Variants in RGS7BP observed in about 807,000 individuals in gnomAD.
The protein encoded by RGS7BP is regulator of G protein signaling 7 binding protein, also known as regulator of G protein signaling 7-binding protein.
Under a neutral mutation model 31.3 loss-of-function variants are expected in RGS7BP, and 9 were observed. The ratio of observed to expected loss-of-function variants is 0.29; its 90% CI spans 0.17 to 0.50. The LOEUF (loss-of-function observed/expected upper bound fraction) is 0.50. Among genes scored for constraint, RGS7BP ranks in the 20% least tolerant of loss-of-function variants. The pLI is 0.98. For missense variants in RGS7BP, 274 were observed against 322.0 expected, an observed-to-expected ratio of 0.85 and a Z score of 1.14; for synonymous variants, 115 against 120.1, an observed-to-expected ratio of 0.96 and a Z score of 0.28.
At chr5:64,511,087 A>T (rs1420933910) in intron 2 of RGS7BP, among the ~76,000 whole-genome samples, 1 of 152,228 alleles carries the variant, frequency 6.6e-6, no homozygotes, top group African/African-American at 2.4e-5. Flanking sequence ...AAGAGGAAAA[A>T]CAAGGAGTTA....
chr5:64,584,125 C>G (rs1038149546), intron 3 of RGS7BP, among the ~76,000 whole-genome samples: 2 of 152,262 alleles, frequency 1.3e-5, no homozygotes, highest in Admixed American at 6.5e-5. Context: ...TGGAGAAGGG[C>G]AGGAGGGCAT....
intron 2 of RGS7BP, among the ~76,000 whole-genome samples, chr5:64,548,851 C>CTTTTTTTTTTTT (rs555751491): frequency 0.012 from 1,578 of 137,182 alleles, 19 homozygotes; most frequent in African/African-American, 0.04. Context: ...AAGCCCTTTC[C>CTTTTTTTTTTTT]TTTTTTTTTT....
At chr5:64,550,697 A>G (rs939287377) in intron 2 of RGS7BP, among the ~76,000 whole-genome samples, 3 of 151,472 alleles carry the variant, frequency 2.0e-5, no homozygotes, top group Non-Finnish European at 4.4e-5. Context: ...ATCATTTAGC[A>G]TTAGGTATAT....
intron 2 of RGS7BP, among the ~76,000 whole-genome samples, chr5:64,556,649 T>C (rs926152526): frequency 4.6e-5 from 7 of 152,108 alleles, no homozygotes; most frequent in African/African-American, 1.7e-4. Flanking sequence ...AAAAAATATA[T>C]AGTTTTGCTT....
At chr5:64,557,263 G>A (rs1238803283) in intron 2 of RGS7BP, among the ~76,000 whole-genome samples, 2 of 152,156 alleles carry the variant, frequency 1.3e-5, no homozygotes, top group Non-Finnish European at 2.9e-5. Context: ...GAGAAATGTA[G>A]TTATGCTCCC....
intron 2 of RGS7BP, among the ~76,000 whole-genome samples, chr5:64,547,536 C>A (rs529673457): frequency 6.6e-6 from 1 of 152,250 alleles, no homozygotes; most frequent in African/African-American, 2.4e-5. Flanking sequence ...TACCACCTTT[C>A]CAGTAAAACA....
chr5:64,576,004 T>G (rs1030415353), intron 3 of RGS7BP, 100 bp downstream of exon 3: 2 of 1,013,580 alleles, frequency 2.0e-6, no homozygotes, highest in African/African-American at 3.3e-5. Context: ...CCTATCTATA[T>G]GCAATTACGA....
chr5:64,529,783 A>C (rs998897832), intron 2 of RGS7BP, among the ~76,000 whole-genome samples: 10 of 152,122 alleles, frequency 6.6e-5, no homozygotes, highest in Non-Finnish European at 1.2e-4. Context: ...CAGATTCTGG[A>C]TCCTTGCTGT....
chr5:64,551,530 G>A (rs1741796650), intron 2 of RGS7BP, among the ~76,000 whole-genome samples: 1 of 151,650 alleles, frequency 6.6e-6, no homozygotes, highest in Non-Finnish European at 1.5e-5. Context: ...CCTAAATTGT[G>A]TGTCTTAAGG....
intron 4 of RGS7BP, 21 bp downstream of exon 4, chr5:64,594,878 A>C (rs1420377641): frequency 6.2e-7 from 1 of 1,611,040 alleles, no homozygotes; most frequent in Non-Finnish European, 8.5e-7. Flanking sequence ...AGTTACCCTG[A>C]ATAGACTGCC....
chr5:64,506,443 A>C lies in RGS7BP; in HGVS notation c.-182A>C. ...GGAAGCGATGCTGCACGGCACAGCT[A>C]GCGCTTCCCCGGCTCTCCTTCAAGC... On this transcript the variant is annotated 5_prime_UTR_variant, in exon 1 of 6. Transcript: ENST00000334025. This position sits in a 1 kb window ranked among gnomAD's most constrained non-coding sequence, Gnocchi z 4.6. The C allele has an allele frequency of 2.1e-6, 1 of 478,552 alleles. No individual in the cohort carries two copies. The highest frequency in any genetic ancestry group is 3.7e-6 in the Non-Finnish European group (1 of 271,084). 29.6% of individuals were successfully genotyped at this position (478,552 alleles called of 1,614,324 possible). A position where few individuals can be genotyped will look rare whatever the true frequency, so the allele number is the denominator to read the frequency against.
At chr5:64,519,839 C>G (rs998083143) in intron 2 of RGS7BP, among the ~76,000 whole-genome samples, 8 of 152,188 alleles carry the variant, frequency 5.3e-5, no homozygotes, top group African/African-American at 1.9e-4. Flanking sequence ...CATTTACCTG[C>G]AAATAGCAGA....
chr5:64,522,259 C>G (rs1749124382), intron 2 of RGS7BP, among the ~76,000 whole-genome samples: 1 of 152,168 alleles, frequency 6.6e-6, no homozygotes, highest in African/African-American at 2.4e-5. Context: ...AGGTCTCTCC[C>G]CAAGTTGGGT....
At chr5:64,558,664 G>A (rs186636678) in intron 2 of RGS7BP, among the ~76,000 whole-genome samples, 1 of 152,232 alleles carries the variant, frequency 6.6e-6, no homozygotes, top group Admixed American at 6.5e-5. Context: ...TAACCATTAG[G>A]TTTGACTGCC....
intron 2 of RGS7BP, among the ~76,000 whole-genome samples, chr5:64,565,162 A>C (rs553146788): frequency 6.6e-6 from 1 of 152,256 alleles, no homozygotes; most frequent in African/African-American, 2.4e-5. Flanking sequence ...TCATCACAAC[A>C]ACACTATCAG....
intron 2 of RGS7BP, among the ~76,000 whole-genome samples, chr5:64,521,874 A>G (rs1321804043): frequency 2.6e-5 from 4 of 152,228 alleles, no homozygotes; most frequent in Admixed American, 2.6e-4. Context: ...CTGCTGTAAC[A>G]AAATGTGGGT....
chr5:64,566,350 T>C (rs1366347663), intron 2 of RGS7BP, among the ~76,000 whole-genome samples: 1 of 152,000 alleles, frequency 6.6e-6, no homozygotes, highest in Non-Finnish European at 1.5e-5. Flanking sequence ...AAAAAGAACA[T>C]CTTGTAAGTT....
At chr5:64,507,614 C>A in intron 1 of RGS7BP, 97 bp from the exon 2 acceptor site, 2 of 1,127,420 alleles carry the variant, frequency 1.8e-6, no homozygotes, top group Non-Finnish European at 1.3e-6. Context: ...GGAGCTGACT[C>A]AGGGGTCAGT....
intron 5 of RGS7BP, among the ~76,000 whole-genome samples, chr5:64,605,290 A>G (rs1420945974): frequency 3.3e-5 from 5 of 152,206 alleles, no homozygotes; most frequent in African/African-American, 4.8e-5. Context: ...AGATTTTCCA[A>G]TAAGTTCAAG....
Sources: gnomAD v4.1 joint callset for allele counts (sites outside exome capture counted in the v4.1 genomes callset) on GRCh38, gnomAD v4.1.1 for gene constraint, Gnocchi (gnomAD v3.1) non-coding constraint, MANE v1.5 for transcripts, NCBI Gene and HGNC (gene_info 2026-07-23, HGNC 2026-07-21) for gene names.